The following SPARCL1 variants were observed in gnomAD, a reference collection of about 807,000 sequenced individuals.
SPARCL1 encodes SPARC-like protein 1.
A neutral mutation model predicts 67.1 loss-of-function variants in SPARCL1; 52 were observed. The ratio of observed to expected loss-of-function variants is 0.78; its 90% confidence interval spans 0.62 to 0.98. SPARCL1 has a LOEUF of 0.98. Among genes scored for constraint, SPARCL1 ranks in the 50% least tolerant of loss-of-function variants. The pLI is 0.00. For missense variants in SPARCL1, 717 were observed against 782.4 expected, an observed-to-expected ratio of 0.92 and a Z score of 1.00; for synonymous variants, 226 against 267.8, an observed-to-expected ratio of 0.84 and a Z score of 1.52.
chr4:87,492,566 C>T (rs182674251), intron 4 of SPARCL1, among the ~76,000 whole-genome samples: 183 of 152,272 alleles, frequency 1.2e-3, no homozygotes, highest in African/African-American at 4.0e-3. Context: ...CTTGGAGTCT[C>T]CTCTTTGGAT....
intron 2 of SPARCL1, among the ~76,000 whole-genome samples, chr4:87,495,899 C>G (rs974852567): frequency 6.6e-6 from 1 of 151,998 alleles, no homozygotes; most frequent in Admixed American, 6.6e-5. Flanking sequence ...CCATTGCACT[C>G]CAGCCTGGTC....
intron 9 of SPARCL1, 45 bp downstream of exon 9, chr4:87,480,327 T>C (rs746779728): frequency 6.7e-7 from 1 of 1,499,364 alleles, no homozygotes; most frequent in South Asian, 1.4e-5. Flanking sequence ...GTAGATATTT[T>C]ATCAGAGAGA....
chr4:87,479,722 T>A, intron 9 of SPARCL1, 144 bp from the exon 10 acceptor site: 1 of 736,604 alleles, frequency 1.4e-6, no homozygotes, highest in Middle Eastern at 4.0e-4. Flanking sequence ...GCCAACGAAA[T>A]AAAGTATTTG....
intron 2 of SPARCL1, among the ~76,000 whole-genome samples, chr4:87,497,935 T>A (rs972258684): frequency 2.6e-5 from 4 of 152,136 alleles, no homozygotes; most frequent in Non-Finnish European, 4.4e-5. Context: ...TTTATTTATT[T>A]TTTTGTAGAG....
intron 1 of SPARCL1, among the ~76,000 whole-genome samples, chr4:87,511,371 G>A (rs1725347084): frequency 6.6e-6 from 1 of 152,196 alleles, no homozygotes; most frequent in African/African-American, 2.4e-5. Flanking sequence ...TAGGAGGAAG[G>A]TTTGGTTTTA....
At chr4:87,499,800 A>G (rs985177425) in intron 1 of SPARCL1, among the ~76,000 whole-genome samples, 2 of 152,186 alleles carry the variant, frequency 1.3e-5, no homozygotes, top group African/African-American at 4.8e-5. Context: ...CGGTCCGGCC[A>G]TGTTCGGCAG....
At chr4:87,511,216 T>G (rs1227357150) in intron 1 of SPARCL1, among the ~76,000 whole-genome samples, 2 of 152,156 alleles carry the variant, frequency 1.3e-5, no homozygotes, top group African/African-American at 2.4e-5. Flanking sequence ...AACTGGATAG[T>G]TCTAAGAAAT....
chr4:87,499,931 C>T (rs904605233), intron 1 of SPARCL1, among the ~76,000 whole-genome samples: 1 of 151,984 alleles, frequency 6.6e-6, no homozygotes, highest in Non-Finnish European at 1.5e-5. Flanking sequence ...TGAGTAAAAA[C>T]ACGCTGCCTG....
At chr4:87,480,343 C>A in intron 9 of SPARCL1, 29 bp downstream of exon 9, 2 of 1,526,190 alleles carry the variant, frequency 1.3e-6, no homozygotes, top group East Asian at 2.3e-5. Flanking sequence ...AGAGATAAAT[C>A]TAGAAATGGA....
intron 1 of SPARCL1, among the ~76,000 whole-genome samples, chr4:87,517,798 T>G (rs1725644920): frequency 6.6e-6 from 1 of 152,226 alleles, no homozygotes; most frequent in Non-Finnish European, 1.5e-5. Flanking sequence ...CCAAGAATTA[T>G]TTATTGGGGG....
At chr4:87,508,788 G>A (rs987384741) in intron 1 of SPARCL1, among the ~76,000 whole-genome samples, 9 of 148,800 alleles carry the variant, frequency 6.0e-5, no homozygotes, top group Non-Finnish European at 1.3e-4. Context: ...ACATATGTGT[G>A]TGTGTGTGTG....
At chr4:87,486,916 T>TTTTTTTTTTTTTTTTTTTTTG (rs1724094363) in intron 7 of SPARCL1, among the ~76,000 whole-genome samples, 1 of 76,986 alleles carries the variant, frequency 1.3e-5, no homozygotes, top group Non-Finnish European at 2.6e-5. Context: ...TTTTTTTTTT[T>TTTTTTTTTTTTTTTTTTTTTG]TTTTTTTTTT....
intron 1 of SPARCL1, among the ~76,000 whole-genome samples, chr4:87,508,243 C>T (rs575566927): frequency 3.3e-5 from 5 of 151,858 alleles, no homozygotes; most frequent in African/African-American, 1.2e-4. Flanking sequence ...AGGTGGGTCT[C>T]ACTCTGACTG....
chr4:87,524,036 C>T (rs1433763359), intron 1 of SPARCL1, among the ~76,000 whole-genome samples: 1 of 152,196 alleles, frequency 6.6e-6, no homozygotes, highest in African/African-American at 2.4e-5. Flanking sequence ...TGGGATAGAA[C>T]ACTGAATACA....
At chr4:87,519,534 A>C (rs1031612591) in intron 1 of SPARCL1, among the ~76,000 whole-genome samples, 1 of 152,178 alleles carries the variant, frequency 6.6e-6, no homozygotes, top group Admixed American at 6.5e-5. Flanking sequence ...GTTTGTCCTA[A>C]GTTTTGAAAA....
At chr4:87,488,356 T>C (rs1724161482) in intron 7 of SPARCL1, among the ~76,000 whole-genome samples, 1 of 152,224 alleles carries the variant, frequency 6.6e-6, no homozygotes, top group African/African-American at 2.4e-5. Flanking sequence ...GCCCCTCTGC[T>C]GCAGGTCTGC....
At chr4:87,480,282 C>G in intron 9 of SPARCL1, 90 bp downstream of exon 9, 1 of 1,208,940 alleles carries the variant, frequency 8.3e-7, no homozygotes, top group Non-Finnish European at 1.1e-6. Context: ...GGGAAATGTC[C>G]TAAATCTGTT....
chr4:87,496,941 G>A (rs1415180176), intron 2 of SPARCL1, among the ~76,000 whole-genome samples: 1 of 152,096 alleles, frequency 6.6e-6, no homozygotes, highest in African/African-American at 2.4e-5. Context: ...TGGTGATCTT[G>A]GCTCACTGTA....
intron 7 of SPARCL1, among the ~76,000 whole-genome samples, chr4:87,485,921 TC>T (rs1724037349): frequency 6.6e-6 from 1 of 152,196 alleles, no homozygotes; most frequent in African/African-American, 2.4e-5. Context: ...ATCCCCTTTA[TC>T]ATTTTTTATT....
Sources: allele counts gnomAD v4.1 joint callset (sites outside exome capture counted in the v4.1 genomes callset), GRCh38; gene constraint gnomAD v4.1.1; transcripts MANE v1.5; gene names NCBI Gene and HGNC (gene_info 2026-07-23, HGNC 2026-07-21).